The following CAMK1D variants were observed in gnomAD, a reference collection of about 807,000 sequenced individuals.
CAMK1D encodes calcium/calmodulin-dependent protein kinase type 1D.
CAMK1D carries 9 observed loss-of-function variants against 47.7 expected under a neutral mutation model. The observed-to-expected ratio is 0.19, with a 90% confidence interval of 0.11 to 0.33. CAMK1D has a LOEUF of 0.33. Ranked by LOEUF, CAMK1D falls within the 10% of genes least tolerant of loss-of-function variation. The probability of loss-of-function intolerance (pLI) is 1.00; values close to 1 mark genes in which losing one functional copy is unlikely to be tolerated. For missense variants in CAMK1D, 291 were observed against 488.7 expected, an observed-to-expected ratio of 0.60 and a Z score of 3.81; for synonymous variants, 184 against 184.9, an observed-to-expected ratio of 0.99 and a Z score of 0.04.
intron 7 of CAMK1D, among the ~76,000 whole-genome samples, chr10:12,815,142 G>C (rs2131083103): frequency 6.6e-6 from 1 of 152,340 alleles, no homozygotes; most frequent in East Asian, 1.9e-4. Context: ...CAACTAGTAA[G>C]GGGCAGAGCC....
chr10:12,464,012 A>G (rs1306877446), intron 1 of CAMK1D, among the ~76,000 whole-genome samples: 2 of 152,112 alleles, frequency 1.3e-5, no homozygotes, highest in African/African-American at 4.8e-5. Context: ...AGGCCTCCCC[A>G]GCCATGCTGA....
intron 3 of CAMK1D, among the ~76,000 whole-genome samples, chr10:12,748,412 A>G (rs977800223): frequency 3.9e-5 from 6 of 152,124 alleles, no homozygotes; most frequent in Admixed American, 3.9e-4. Context: ...GAGGGTCTGG[A>G]GGGGCCCACG....
intron 1 of CAMK1D, among the ~76,000 whole-genome samples, chr10:12,431,580 TC>T (rs1462543080): frequency 2.6e-5 from 4 of 152,170 alleles, no homozygotes; most frequent in African/African-American, 9.7e-5. Context: ...TCCAGGGAGA[TC>T]CTTCAGAGCG....
chr10:12,642,021 G>C (rs1054074786), intron 2 of CAMK1D, among the ~76,000 whole-genome samples: 7 of 149,440 alleles, frequency 4.7e-5, no homozygotes, highest in African/African-American at 1.5e-4. Context: ...TCCAGCTAGG[G>C]CGACAGAGTG....
intron 2 of CAMK1D, among the ~76,000 whole-genome samples, chr10:12,632,785 C>T (rs974562567): frequency 6.6e-6 from 1 of 152,040 alleles, no homozygotes; most frequent in Non-Finnish European, 1.5e-5. Flanking sequence ...ACCTCCAACT[C>T]CCTGGTTCAA....
At chr10:12,406,317 C>T (rs900120084) in intron 1 of CAMK1D, among the ~76,000 whole-genome samples, 6 of 152,126 alleles carry the variant, frequency 3.9e-5, no homozygotes, top group Non-Finnish European at 5.9e-5. Context: ...AACACCAAAA[C>T]AAATTCCAGG....
chr10:12,562,399 G>A (rs1255955518), intron 2 of CAMK1D, among the ~76,000 whole-genome samples: 1 of 152,176 alleles, frequency 6.6e-6, no homozygotes, highest in Non-Finnish European at 1.5e-5. Flanking sequence ...TGGAGGACAC[G>A]CTCAAAGCAT....
intron 1 of CAMK1D, among the ~76,000 whole-genome samples, chr10:12,379,685 G>A (rs1307053878): frequency 3.3e-5 from 5 of 152,042 alleles, no homozygotes; most frequent in Non-Finnish European, 7.4e-5. Context: ...CCCTGGAGGC[G>A]GAGGTTGCAG....
intron 6 of CAMK1D, among the ~76,000 whole-genome samples, chr10:12,796,942 T>A (rs1293834908): frequency 6.6e-6 from 1 of 152,260 alleles, no homozygotes; most frequent in East Asian, 1.9e-4. Flanking sequence ...TAATGCAGTT[T>A]GTGCCTCACA....
At chr10:12,713,265 T>A (rs1834003205) in intron 3 of CAMK1D, among the ~76,000 whole-genome samples, 1 of 152,182 alleles carries the variant, frequency 6.6e-6, no homozygotes, top group Non-Finnish European at 1.5e-5. Context: ...AGTAACAGGG[T>A]TTCACCAAGT....
chr10:12,495,582 T>G (rs571005471), intron 1 of CAMK1D, among the ~76,000 whole-genome samples: 13 of 152,326 alleles, frequency 8.5e-5, no homozygotes, highest in African/African-American at 3.1e-4. Context: ...CCCAGAATGG[T>G]TCATGTTTGT....
chr10:12,432,471 A>C (rs1242926729), intron 1 of CAMK1D, among the ~76,000 whole-genome samples: 1 of 77,582 alleles, frequency 1.3e-5, no homozygotes, highest in Non-Finnish European at 4.5e-5. Flanking sequence ...GAATTAATAA[A>C]TAAATCAATG....
At chr10:12,466,268 T>C (rs1371354796) in intron 1 of CAMK1D, among the ~76,000 whole-genome samples, 1 of 152,098 alleles carries the variant, frequency 6.6e-6, no homozygotes, top group East Asian at 1.9e-4. Context: ...ATTAGCTGGA[T>C]GTGGTGGTGA....
chr10:12,454,000 TG>T (rs1833165107), intron 1 of CAMK1D, among the ~76,000 whole-genome samples: 1 of 152,126 alleles, frequency 6.6e-6, no homozygotes, highest in Non-Finnish European at 1.5e-5. Flanking sequence ...AGCAGAGCTC[TG>T]GGGGGGCTGT....
intron 3 of CAMK1D, among the ~76,000 whole-genome samples, chr10:12,702,444 C>A (rs115612924): frequency 2.0e-5 from 3 of 152,250 alleles, no homozygotes; most frequent in Non-Finnish European, 1.5e-5. Flanking sequence ...TACTTGAAGA[C>A]GGGCTCCATC....
At chr10:12,570,086 G>C (rs2132312238) in intron 2 of CAMK1D, among the ~76,000 whole-genome samples, 1 of 152,250 alleles carries the variant, frequency 6.6e-6, no homozygotes, top group African/African-American at 2.4e-5. Context: ...TGTAATCCCA[G>C]CTACTCCGGA....
At chr10:12,371,770 G>A (rs1040795422) in intron 1 of CAMK1D, among the ~76,000 whole-genome samples, 2 of 151,836 alleles carry the variant, frequency 1.3e-5, no homozygotes, top group African/African-American at 4.8e-5. Flanking sequence ...GTGGTCAAGT[G>A]ATTCTCCTGC....
chr10:12,770,316 C>T (rs888626663), intron 5 of CAMK1D, among the ~76,000 whole-genome samples: 1 of 152,206 alleles, frequency 6.6e-6, no homozygotes, highest in Non-Finnish European at 1.5e-5. Flanking sequence ...TAAATCACAA[C>T]CCCCAATTCT....
intron 1 of CAMK1D, among the ~76,000 whole-genome samples, chr10:12,515,027 T>A (rs969318071): frequency 7.3e-5 from 11 of 151,544 alleles, no homozygotes; most frequent in Non-Finnish European, 1.6e-4. Context: ...ATTTTTTTTT[T>A]TTATTTTTTA....
Sources: allele counts gnomAD v4.1 joint callset (sites outside exome capture counted in the v4.1 genomes callset), GRCh38; gene constraint gnomAD v4.1.1; transcripts MANE v1.5; gene names NCBI Gene and HGNC (gene_info 2026-07-23, HGNC 2026-07-21).